The following CXCL9 variants were observed in gnomAD, a reference collection of about 807,000 sequenced individuals.
CXCL9 encodes the protein C-X-C motif chemokine ligand 9.
In CXCL9, 8 loss-of-function variants were observed where a neutral mutation model predicts 11.7. The observed-to-expected ratio is 0.68, with a 90% CI of 0.40 to 1.23. The LOEUF (loss-of-function observed/expected upper bound fraction) is 1.23, where lower values mean the gene tolerates loss of function less well. Among genes scored for constraint, CXCL9 ranks in the 50% most tolerant of loss-of-function variants. The pLI is 0.01. For synonymous variants in CXCL9, 43 were observed against 48.2 expected, an observed-to-expected ratio of 0.89 and a Z score of 0.45; for missense variants, 133 against 141.7, an observed-to-expected ratio of 0.94 and a Z score of 0.31.
chr4:76,004,760 A>G (rs1731552454), intron 3 of CXCL9, 49 bp downstream of exon 3: 1 of 1,575,818 alleles, frequency 6.3e-7, no homozygotes, highest in Non-Finnish European at 8.6e-7. Flanking sequence ...TTTGTCTTCT[A>G]AAGTTAATTT....
chr4:76,003,711 AG>A lies in CXCL9; in HGVS notation c.277-13del. 1 of 1,412,300 alleles carries A rather than the reference AG, an allele frequency of 7.1e-7. No individual in the cohort carries two copies. The highest frequency in any genetic ancestry group is 1.0e-6 in the Non-Finnish European group (1 of 1,001,992). 87.5% of individuals were successfully genotyped at this position (1,412,300 alleles called of 1,614,324 possible). The stretch of plus-strand genomic sequence containing the variant: ...TTCTTTTGGCTGACCTGTGAGAAGA[AG>A]GGGAAAAAGGGCAATGTTTCTGAAT... On this transcript the variant is annotated splice_polypyrimidine_tract_variant and intron_variant, in intron 3 of 3. Transcript: ENST00000264888.
At chr4:76,006,039 A>T in intron 2 of CXCL9, 109 bp downstream of exon 2, 1 of 969,210 alleles carries the variant, frequency 1.0e-6, no homozygotes, top group Non-Finnish European at 1.6e-6. Flanking sequence ...GGGGGTAACC[A>T]TCTGATTTTT....
At chr4:76,005,665 T>C (rs1731570758) in intron 2 of CXCL9, 1 of 152,238 alleles carries the variant, frequency 6.6e-6, no homozygotes, top group Non-Finnish European at 1.5e-5. Context: ...TAAGTAAAAA[T>C]GACATTATTA....
intron 1 of CXCL9, 149 bp from the exon 2 acceptor site, chr4:76,006,423 T>C (rs1368154495): frequency 5.7e-6 from 4 of 700,288 alleles, no homozygotes; most frequent in Non-Finnish European, 9.3e-6. Flanking sequence ...TTGAAGGAGG[T>C]ATCATCTCTA....
rs1017930489 is a variant in CXCL9 at position 76,002,953 on chromosome 4, CAAAAAGA to C, written c.*638_*644del. 1 of 152,294 alleles carries C rather than the reference CAAAAAGA, an allele frequency of 6.6e-6. No individual in the cohort carries two copies. Among genetic ancestry groups the C allele is most frequent in the African/African-American group, 2.4e-5 (1 of 41,414 alleles). The allele number at this position is 152,294 out of a possible 1,614,324, so 9.4% of individuals were successfully genotyped here. A position where few individuals can be genotyped will look rare whatever the true frequency, so the allele number is the denominator to read the frequency against. ...CTGACTTGAATGAAGCAAAGGGGAA[CAAAAAGA>C]AATAAAGTGGTCAGCCTGAGCGGGC... is the stretch of plus-strand genomic sequence containing the variant. On this transcript the variant is annotated 3_prime_UTR_variant, in exon 4 of 4. Coordinates refer to ENST00000264888, the MANE Select transcript of CXCL9 (RefSeq NM_002416.3).
At position 76,003,638 on chromosome 4, in the gene CXCL9, A is replaced by G. The variant is rs780162229; in HGVS notation, c.338T>C (p.Val113Ala). 2 of 1,612,462 alleles carry G rather than the reference A, an allele frequency of 1.2e-6. No individual in the cohort carries two copies. The highest frequency in any genetic ancestry group is 2.2e-5 in the South Asian group (2 of 91,040). ...KKHQKKKVLK[V>A]RKSQRSRQKK... is the part of the protein sequence containing the mutation. ...TTGACGAGAACGTTGAGATTTTCGA[A>G]CTTTCAGAACTTTCTTTTTTTGATG... is the stretch of plus-strand genomic sequence containing the variant. The change falls in exon 4 of 4, where the codon GTT (valine) becomes GCT (alanine). Residue 113 changes from valine (V) to alanine (A), a missense_variant. Val to Ala is a moderately conservative substitution (Grantham distance 64). Transcript: ENST00000264888.
Position 76,002,426 on chromosome 4 carries a change from A to G in CXCL9, c.*1172T>C, listed in dbSNP as rs1418305430. The G allele has an allele frequency of 2.5e-6, 1 of 398,496 alleles. No individual in the cohort carries two copies. Among genetic ancestry groups the G allele is most frequent in the Non-Finnish European group, 4.4e-6 (1 of 225,962 alleles). The allele number at this position is 398,496 out of a possible 1,614,324, so 24.7% of individuals were successfully genotyped here. A position where few individuals can be genotyped will look rare whatever the true frequency, so the allele number is the denominator to read the frequency against. ...GGTCCCTGTAGTGAGTGTCCTGAAG[A>G]TAATAAGTAAGAGGTTACCAGAGGC... On this transcript the variant is annotated 3_prime_UTR_variant, in exon 4 of 4. Transcript: ENST00000264888.
Position 76,006,328 on chromosome 4 carries a change from G to C in CXCL9, c.65-54C>G, listed in dbSNP as rs973819527. ...CAGTATAGGCCAATGTTTCAGTTTA[G>C]GTGATCTATCAAAATGATACACTTG... On this transcript the variant is annotated intron_variant, in intron 1 of 3. Coordinates refer to ENST00000264888, the MANE Select transcript of CXCL9 (RefSeq NM_002416.3). 2.6e-6 allele frequency: 4 copies of C among 1,546,708 alleles called. No homozygotes were observed. In the African/African-American group the frequency reaches 5.5e-5, roughly 21 times the overall value.
chr4:76,004,805 C>T lies in CXCL9; in HGVS notation c.276+4G>A. On this transcript the variant is annotated splice_donor_region_variant and intron_variant, in intron 3 of 3. Transcript: ENST00000264888. Reference sequence around the variant, plus strand: ...AGAAAATTTTGATCTTCCTTTTCACCAACCTGTTTCTCCCACTTTTTAATC... The same window carrying T: ...AGAAAATTTTGATCTTCCTTTTCACTAACCTGTTTCTCCCACTTTTTAATC... 2 of 1,587,256 alleles carry T rather than the reference C, an allele frequency of 1.3e-6. No homozygotes were observed. Among genetic ancestry groups the T allele is most frequent in the Non-Finnish European group, 1.7e-6 (2 of 1,171,948 alleles).
In CXCL9 at chr4:76,006,143, C is replaced by T; in HGVS notation, c.191+5G>A. On this transcript the variant is annotated splice_donor_5th_base_variant and intron_variant, in intron 2 of 3. Transcript: ENST00000264888. ...TGCATGCATGTTAGCTGGGTTGTTA[C>T]TTACATGATTTCAATTTTCTCGCAG... 1 of 1,612,568 alleles carries T rather than the reference C, an allele frequency of 6.2e-7. No individual in the cohort carries two copies. The highest frequency in any genetic ancestry group is 1.7e-5 in the Admixed American group (1 of 59,986).
rs1731503239 is a variant in CXCL9 at position 76,002,910 on chromosome 4, T to C, written c.*688A>G. 1 of 152,374 alleles carries C rather than the reference T, an allele frequency of 6.6e-6. No homozygotes were observed. The highest frequency in any genetic ancestry group is 1.5e-5 in the Non-Finnish European group (1 of 68,226). The allele number at this position is 152,374 out of a possible 1,614,324, so 9.4% of individuals were successfully genotyped here. ...TGGAGAGAAGAAAGGCACTGCATTG[T>C]GGTAGGATGGAGAAGAGCTGACTTG... is the stretch of plus-strand genomic sequence containing the variant. On this transcript the variant is annotated 3_prime_UTR_variant, in exon 4 of 4. Coordinates refer to ENST00000264888, the MANE Select transcript of CXCL9 (RefSeq NM_002416.3).
chr4:76,006,451 C>T (rs1203483827), intron 1 of CXCL9, among the ~76,000 whole-genome samples, 177 bp from the exon 2 acceptor site: 4 of 152,104 alleles, frequency 2.6e-5, no homozygotes, highest in Admixed American at 2.0e-4. Flanking sequence ...CATAAGGAAA[C>T]TAAGGTTCAG....
chr4:76,006,355 C>T, intron 1 of CXCL9, 81 bp from the exon 2 acceptor site: 1 of 1,385,760 alleles, frequency 7.2e-7, no homozygotes, highest in Non-Finnish European at 1.0e-6. Context: ...ATACACTTGA[C>T]TGAGTCATGA....
At chr4:76,004,472 A>G (rs1731545985) in intron 3 of CXCL9, among the ~76,000 whole-genome samples, 1 of 152,198 alleles carries the variant, frequency 6.6e-6, no homozygotes, top group African/African-American at 2.4e-5. Context: ...ACATTGTACC[A>G]TAATTATTAG....
chr4:76,006,779 C>A (rs758024246), intron 1 of CXCL9, among the ~76,000 whole-genome samples: 1 of 152,198 alleles, frequency 6.6e-6, no homozygotes, highest in African/African-American at 2.4e-5. Context: ...TCCTCATCCT[C>A]TCTCCTCCCC....
chr4:76,007,254 CT>C, intron 1 of CXCL9, 131 bp downstream of exon 1: 1 of 708,252 alleles, frequency 1.4e-6, no homozygotes, highest in South Asian at 1.6e-5. Flanking sequence ...GGTCATGTCA[CT>C]GAGAAGCTTT....
chr4:76,004,691 A>G (rs1731550272), intron 3 of CXCL9, 118 bp downstream of exon 3: 2 of 1,352,344 alleles, frequency 1.5e-6, no homozygotes, highest in Admixed American at 6.7e-5. Context: ...CATAATATGA[A>G]TGAAAAATGT....
In CXCL9 at chr4:76,001,346, CT is replaced by C. The variant is rs1190576738; in HGVS notation, c.*2251del. 6.6e-6 allele frequency: 1 copy of C among 152,022 alleles called. No individual in the cohort carries two copies. Among genetic ancestry groups the C allele is most frequent in the Non-Finnish European group, 1.5e-5 (1 of 68,020 alleles). 9.4% of individuals were successfully genotyped at this position (152,022 alleles called of 1,614,324 possible). On this transcript the variant is annotated 3_prime_UTR_variant, in exon 4 of 4. Transcript: ENST00000264888. The stretch of plus-strand genomic sequence containing the variant: ...CCTTTAAAGAGCTTTCATGTGTTAT[CT>C]CAACTAGTGTTACACTTTATTTGAG...
intron 3 of CXCL9, 105 bp downstream of exon 3, chr4:76,004,704 T>G: frequency 1.4e-6 from 2 of 1,381,882 alleles, no homozygotes; most frequent in Admixed American, 3.1e-5. Flanking sequence ...AAAAATGTAT[T>G]CTTAAAAGTT....
Sources: allele counts gnomAD v4.1 joint callset (sites outside exome capture counted in the v4.1 genomes callset), GRCh38; gene constraint gnomAD v4.1.1; transcripts MANE v1.5; gene names NCBI Gene and HGNC (gene_info 2026-07-23, HGNC 2026-07-21).